The following MICU2 variants were observed in gnomAD, a reference collection of about 807,000 sequenced individuals.
The protein encoded by MICU2 is mitochondrial calcium uptake 2.
In MICU2, 64 loss-of-function variants were observed where a neutral mutation model predicts 60.4. The ratio of observed to expected loss-of-function variants is 1.06; its 90% CI spans 0.87 to 1.31. The LOEUF (loss-of-function observed/expected upper bound fraction) is 1.31. Among genes scored for constraint, MICU2 ranks in the 50% most tolerant of loss-of-function variants. MICU2 has a pLI of 0.00. For missense variants in MICU2, 569 were observed against 531.0 expected, an observed-to-expected ratio of 1.07 and a Z score of -0.70; for synonymous variants, 201 against 175.0, an observed-to-expected ratio of 1.15 and a Z score of -1.17.
At chr13:21,514,282 G>T in intron 7 of MICU2, 71 bp downstream of exon 7, 2 of 1,267,574 alleles carry the variant, frequency 1.6e-6, no homozygotes, top group Non-Finnish European at 1.1e-6. Context: ...GGTAACTATC[G>T]GGAATATCTG....
At chr13:21,500,417 A>ATTTTTTTTT (rs10608018) in intron 9 of MICU2, among the ~76,000 whole-genome samples, 1 of 124,960 alleles carries the variant, frequency 8.0e-6, no homozygotes, top group African/African-American at 3.0e-5. Context: ...ATACCTACTG[A>ATTTTTTTTT]TTTTTTTTTT....
intron 6 of MICU2, among the ~76,000 whole-genome samples, chr13:21,516,462 A>C (rs931109684): frequency 1.3e-5 from 2 of 152,162 alleles, no homozygotes; most frequent in East Asian, 1.9e-4. Flanking sequence ...TTATTCAATC[A>C]CCTGTTGATA....
intron 9 of MICU2, among the ~76,000 whole-genome samples, chr13:21,499,564 C>A (rs1027389571): frequency 6.6e-6 from 1 of 151,978 alleles, no homozygotes; most frequent in African/African-American, 2.4e-5. Flanking sequence ...GCACCCGCCA[C>A]CACGCCTGTC....
chr13:21,522,910 A>T (rs577157718), intron 4 of MICU2, among the ~76,000 whole-genome samples: 5 of 152,212 alleles, frequency 3.3e-5, no homozygotes, highest in Non-Finnish European at 5.9e-5. Flanking sequence ...CACAGACTGA[A>T]CATCTTGAGT....
chr13:21,525,131 T>C (rs1298042942), intron 4 of MICU2, among the ~76,000 whole-genome samples: 1 of 151,432 alleles, frequency 6.6e-6, no homozygotes, highest in Non-Finnish European at 1.5e-5. Flanking sequence ...CTTTTGGGTA[T>C]ATACCCAGAA....
At chr13:21,535,354 C>CA (rs1761329917) in intron 4 of MICU2, among the ~76,000 whole-genome samples, 1 of 151,818 alleles carries the variant, frequency 6.6e-6, no homozygotes, top group Admixed American at 6.6e-5. Context: ...TAAGATAACT[C>CA]AGTTTATATC....
rs746330004 is a variant in MICU2 at position 21,514,322 on chromosome 13, T to C, written c.663+31A>G. On this transcript the variant is annotated intron_variant, in intron 7 of 11. Coordinates refer to ENST00000382374, the MANE Select transcript of MICU2 (RefSeq NM_152726.3). ...AACAAAATAGAGTAGCTATTATAAATATCAATTGTTTGGAAATCATCTGTA... is the reference window on the plus strand; with the variant it reads ...AACAAAATAGAGTAGCTATTATAAACATCAATTGTTTGGAAATCATCTGTA... 8 of 1,534,988 alleles carry C rather than the reference T, an allele frequency of 5.2e-6. No homozygotes were observed. The African/African-American group carries it at 1.1e-4, about 21-fold the overall frequency.
At chr13:21,549,121 G>C (rs565008845) in intron 2 of MICU2, among the ~76,000 whole-genome samples, 2 of 151,762 alleles carry the variant, frequency 1.3e-5, no homozygotes, top group Admixed American at 1.3e-4. Flanking sequence ...AGTAGAGACG[G>C]GGTTTCACCG....
intron 1 of MICU2, among the ~76,000 whole-genome samples, chr13:21,590,507 C>T (rs199907467): frequency 6.6e-6 from 1 of 152,248 alleles, no homozygotes; most frequent in Non-Finnish European, 1.5e-5. Context: ...AAAATTTAAA[C>T]AAAATAAAAC....
intron 1 of MICU2, among the ~76,000 whole-genome samples, chr13:21,589,155 G>A (rs1888519158): frequency 6.6e-6 from 1 of 152,172 alleles, no homozygotes; most frequent in Admixed American, 6.5e-5. Context: ...TATAACAAAG[G>A]TACTGCAAGG....
chr13:21,546,607 T>C (rs1260712561), intron 2 of MICU2, among the ~76,000 whole-genome samples: 1 of 152,184 alleles, frequency 6.6e-6, no homozygotes, highest in Non-Finnish European at 1.5e-5. Context: ...TCTCCTCTAT[T>C]GTGATGAGAA....
At chr13:21,532,660 T>C (rs1887029852) in intron 4 of MICU2, among the ~76,000 whole-genome samples, 1 of 152,054 alleles carries the variant, frequency 6.6e-6, no homozygotes, top group Non-Finnish European at 1.5e-5. Context: ...AAGTATGGGG[T>C]CATAGAAGCC....
intron 2 of MICU2, among the ~76,000 whole-genome samples, chr13:21,543,431 T>A (rs1887331082): frequency 6.6e-6 from 1 of 152,018 alleles, no homozygotes; most frequent in African/African-American, 2.4e-5. Context: ...AAACCTAAAG[T>A]CTCTACCAAA....
intron 4 of MICU2, chr13:21,530,983 T>C (rs1245921322): frequency 1.4e-5 from 11 of 785,732 alleles, no homozygotes; most frequent in Non-Finnish European, 2.6e-5. Flanking sequence ...ACTCTGGAAA[T>C]GATTAAACTA....
At chr13:21,504,347 C>T (rs1983783) in intron 8 of MICU2, among the ~76,000 whole-genome samples, 143,881 of 151,992 alleles carry the variant, frequency 0.95, 68,270 homozygotes, top group East Asian at 1. Flanking sequence ...GAAGATAGGG[C>T]ATAAAACCAT....
chr13:21,539,522 T>A (rs1887227648), intron 3 of MICU2, 135 bp downstream of exon 3: 6 of 1,312,374 alleles, frequency 4.6e-6, no homozygotes, highest in South Asian at 1.3e-5. Flanking sequence ...AGGATGGTGA[T>A]CTCCTGACCT....
At chr13:21,551,076 C>T (rs530495424) in intron 2 of MICU2, among the ~76,000 whole-genome samples, 1 of 152,358 alleles carries the variant, frequency 6.6e-6, no homozygotes, top group African/African-American at 2.4e-5. Context: ...CATGTCCTAA[C>T]ATGCCACCTG....
intron 4 of MICU2, among the ~76,000 whole-genome samples, chr13:21,536,403 T>C (rs1362238878): frequency 2.6e-5 from 4 of 151,986 alleles, no homozygotes; most frequent in Non-Finnish European, 5.9e-5. Flanking sequence ...CTCACTGCAA[T>C]TGCAACCTCA....
chr13:21,532,112 G>A (rs953501849), intron 4 of MICU2, among the ~76,000 whole-genome samples: 7 of 152,152 alleles, frequency 4.6e-5, no homozygotes, highest in African/African-American at 1.4e-4. Context: ...CGTAGAGGGC[G>A]AATGAAGAGA....
Sources: allele counts gnomAD v4.1 joint callset (sites outside exome capture counted in the v4.1 genomes callset), GRCh38; gene constraint gnomAD v4.1.1; transcripts MANE v1.5; gene names NCBI Gene and HGNC (gene_info 2026-07-23, HGNC 2026-07-21).